Variants in RAMP3 observed in about 807,000 individuals in gnomAD.
RAMP3 encodes receptor activity-modifying protein 3.
Under a neutral mutation model 13.5 loss-of-function variants are expected in RAMP3, and 14 were observed. The observed-to-expected ratio is 1.04, with a 90% confidence interval of 0.69 to 1.63. The LOEUF (loss-of-function observed/expected upper bound fraction) is 1.63. Among genes scored for constraint, RAMP3 ranks in the 40% most tolerant of loss-of-function variants. The pLI is 0.00. For synonymous variants in RAMP3, 106 were observed against 88.3 expected (o/e 1.20, Z -1.12); for missense variants, 200 against 204.8 (o/e 0.98, Z 0.14).
At chr7:45,165,992 G>C (rs1232911024) in intron 1 of RAMP3, among the ~76,000 whole-genome samples, 2 of 152,192 alleles carry the variant, frequency 1.3e-5, no homozygotes, top group Non-Finnish European at 2.9e-5. Context: ...GAATCTTCAT[G>C]TAAAAATCTG....
At chr7:45,175,708 G>C (rs1786168575) in intron 1 of RAMP3, among the ~76,000 whole-genome samples, 1 of 152,164 alleles carries the variant, frequency 6.6e-6, no homozygotes, top group South Asian at 2.1e-4. Context: ...CTGCAGGTGG[G>C]GGTGGGCTGA....
At chr7:45,158,652 G>A (rs574992955) in intron 1 of RAMP3, among the ~76,000 whole-genome samples, 88 of 144,802 alleles carry the variant, frequency 6.1e-4, no homozygotes, top group Non-Finnish European at 1.1e-3. Flanking sequence ...AGTGGTGACT[G>A]AGCCTGGCCA....
chr7:45,178,451 G>T (rs1033109891), intron 2 of RAMP3, among the ~76,000 whole-genome samples: 1 of 152,204 alleles, frequency 6.6e-6, no homozygotes, highest in African/African-American at 2.4e-5. Flanking sequence ...CCTGTCTTCC[G>T]TAGAGACACT....
chr7:45,170,164 T>C (rs1786052686), intron 1 of RAMP3, among the ~76,000 whole-genome samples: 1 of 63,338 alleles, frequency 1.6e-5, no homozygotes, highest in Non-Finnish European at 3.6e-5. Context: ...TTTTTTTTAA[T>C]GAGCTTTGAT....
intron 2 of RAMP3, among the ~76,000 whole-genome samples, chr7:45,181,079 A>G (rs1172918132): frequency 6.6e-6 from 1 of 152,228 alleles, no homozygotes; most frequent in Non-Finnish European, 1.5e-5. Flanking sequence ...GCTGGGGCAC[A>G]TGGACCTCAA....
At chr7:45,172,949 T>A in intron 1 of RAMP3, among the ~76,000 whole-genome samples, 1 of 152,204 alleles carries the variant, frequency 6.6e-6, no homozygotes, top group East Asian at 1.9e-4. Context: ...GGGGTCCCCC[T>A]CCCTGCTCAG....
intron 1 of RAMP3, chr7:45,163,783 C>G (rs1156325698): frequency 3.0e-6 from 3 of 985,278 alleles, no homozygotes; most frequent in Non-Finnish European, 3.6e-6. Context: ...AGGTCTCTGT[C>G]TTCTGGCTCC....
intron 1 of RAMP3, among the ~76,000 whole-genome samples, chr7:45,172,832 C>G (rs1046305927): frequency 5.3e-5 from 8 of 152,128 alleles, no homozygotes; most frequent in Admixed American, 2.0e-4. Flanking sequence ...GGGGGCCTGT[C>G]CATGATGATC....
chr7:45,173,031 G>A (rs565035689), intron 1 of RAMP3, among the ~76,000 whole-genome samples: 1 of 152,190 alleles, frequency 6.6e-6, no homozygotes, highest in South Asian at 2.1e-4. Context: ...CTGAATGTCA[G>A]TTTATGGGGC....
chr7:45,163,132 C>G (rs1406070637), intron 1 of RAMP3: 1 of 982,006 alleles, frequency 1.0e-6, no homozygotes, highest in African/African-American at 1.7e-5. Context: ...TGGTTTCACA[C>G]CCCAGAGGCT....
intron 1 of RAMP3, chr7:45,163,542 CA>C: frequency 1.0e-6 from 1 of 985,284 alleles, no homozygotes; most frequent in Non-Finnish European, 1.2e-6. Context: ...GGTCGTGGAG[CA>C]GCAGCTCATG....
intron 1 of RAMP3, among the ~76,000 whole-genome samples, chr7:45,162,555 C>T (rs1181008330): frequency 2.6e-5 from 4 of 152,080 alleles, no homozygotes; most frequent in African/African-American, 2.4e-5. Flanking sequence ...ACCTTGACTC[C>T]CCTGCCTTGT....
At chr7:45,179,791 C>T (rs1471026853) in intron 2 of RAMP3, among the ~76,000 whole-genome samples, 1 of 152,152 alleles carries the variant, frequency 6.6e-6, no homozygotes, top group Admixed American at 6.5e-5. Context: ...TTGCCCGGTA[C>T]TAGCACGAGG....
chr7:45,170,929 T>C (rs76705982), intron 1 of RAMP3, among the ~76,000 whole-genome samples: 2 of 141,236 alleles, frequency 1.4e-5, no homozygotes, highest in East Asian at 4.0e-4. Context: ...ATGTCCAGCC[T>C]TTTTTTTTTT....
At chr7:45,181,283 CTGGG>C (rs1786307210) in intron 2 of RAMP3, among the ~76,000 whole-genome samples, 1 of 152,238 alleles carries the variant, frequency 6.6e-6, no homozygotes, top group Non-Finnish European at 1.5e-5. Context: ...ATGCTGTCTT[CTGGG>C]ATTACCTCTG....
At chr7:45,175,173 G>C (rs185717738) in intron 1 of RAMP3, among the ~76,000 whole-genome samples, 2 of 152,214 alleles carry the variant, frequency 1.3e-5, no homozygotes, top group Non-Finnish European at 2.9e-5. Flanking sequence ...ACAAGCGAAC[G>C]TGGGGGTCAG....
At chr7:45,177,792 T>C (rs1786223604) in intron 2 of RAMP3, among the ~76,000 whole-genome samples, 2 of 152,300 alleles carry the variant, frequency 1.3e-5, no homozygotes, top group South Asian at 4.1e-4. Flanking sequence ...CTCACTCTGA[T>C]GTTCTAGCAA....
chr7:45,182,758 G>A (rs1448355861), intron 2 of RAMP3, among the ~76,000 whole-genome samples: 1 of 152,170 alleles, frequency 6.6e-6, no homozygotes, highest in Admixed American at 6.5e-5. Flanking sequence ...CAGGCTCTTA[G>A]GGTATCCTGG....
At chr7:45,157,959 C>T in intron 1 of RAMP3, 73 bp downstream of exon 1, 1 of 1,257,956 alleles carries the variant, frequency 7.9e-7, no homozygotes, top group Non-Finnish European at 1.0e-6. Context: ...GGACCCGCGC[C>T]TTCCCGCACC....
Sources: allele counts gnomAD v4.1 joint callset (sites outside exome capture counted in the v4.1 genomes callset), GRCh38; gene constraint gnomAD v4.1.1; transcripts MANE v1.5; gene names NCBI Gene and HGNC (gene_info 2026-07-23, HGNC 2026-07-21).